The following TTC23 variants were observed in gnomAD, a reference collection of about 807,000 sequenced individuals.
TTC23 encodes tetratricopeptide repeat domain 23, also known as tetratricopeptide repeat protein 23.
A neutral mutation model predicts 55.1 loss-of-function variants in TTC23; 58 were observed. The ratio of observed to expected loss-of-function variants is 1.05; its 90% confidence interval spans 0.85 to 1.31. The LOEUF is 1.31. Ranked by LOEUF, TTC23 falls within the 50% of genes most tolerant of loss-of-function variation. The pLI is 0.00. For missense variants in TTC23, 516 were observed against 534.4 expected, an observed-to-expected ratio of 0.97 and a Z score of 0.34; for synonymous variants, 203 against 199.9, an observed-to-expected ratio of 1.02 and a Z score of -0.13.
At chr15:99,169,885 T>C (rs896447447) in intron 10 of TTC23, among the ~76,000 whole-genome samples, 3 of 152,206 alleles carry the variant, frequency 2.0e-5, no homozygotes, top group Non-Finnish European at 2.9e-5. Context: ...CTGCTGTCAC[T>C]GAACGCTGCA....
chr15:99,147,364 T>C (rs551480046), intron 12 of TTC23, among the ~76,000 whole-genome samples: 235 of 152,080 alleles, frequency 1.5e-3, no homozygotes, highest in African/African-American at 5.5e-3. Flanking sequence ...TAGCTGGGAC[T>C]ACAGGCGCCC....
intron 8 of TTC23, among the ~76,000 whole-genome samples, chr15:99,209,839 G>A (rs866573017): frequency 1.3e-5 from 2 of 152,240 alleles, no homozygotes; most frequent in Middle Eastern, 3.4e-3. Flanking sequence ...GTCTCAAGCA[G>A]TCCTCCTACC....
At chr15:99,222,771 G>A (rs545628046) in intron 5 of TTC23, among the ~76,000 whole-genome samples, 2 of 152,232 alleles carry the variant, frequency 1.3e-5, no homozygotes, top group South Asian at 4.2e-4. Flanking sequence ...GCGGAGATGG[G>A]TGAATCACAA....
At chr15:99,199,800 TG>T in intron 9 of TTC23, 118 bp downstream of exon 9, 1 of 1,019,260 alleles carries the variant, frequency 9.8e-7, no homozygotes, top group East Asian at 2.5e-5. Context: ...CTAGGCCAAC[TG>T]TTGTCCTTAT....
At chr15:99,235,837 C>T (rs1567557616) in intron 3 of TTC23, among the ~76,000 whole-genome samples, 1 of 152,220 alleles carries the variant, frequency 6.6e-6, no homozygotes, top group East Asian at 1.9e-4. Flanking sequence ...CCTCTGGCAA[C>T]ACCCATTCTA....
At position 99,229,142 on chromosome 15, in the gene TTC23, C is replaced by CATATAT. The variant is rs74654479; in HGVS notation, c.-20-416_-20-411dup. Among the ~76,000 whole-genome samples, 547 of 145,114 alleles carry CATATAT rather than the reference C, an allele frequency of 3.8e-3. 4 individuals carry two copies. The highest frequency in any genetic ancestry group is 0.011 in the African/African-American group (427 of 39,684). The stretch of plus-strand genomic sequence containing the variant: ...GCACATACATATGTATTTGCATGTA[C>CATATAT]ATATATATATATATATCTAAAGTCC... On this transcript the variant is annotated intron_variant, in intron 4 of 13. Coordinates refer to ENST00000394132, the MANE Select transcript of TTC23 (RefSeq NM_001288615.3).
chr15:99,151,085 T>C (rs1328167544), intron 12 of TTC23, among the ~76,000 whole-genome samples: 2 of 152,226 alleles, frequency 1.3e-5, no homozygotes, highest in African/African-American at 4.8e-5. Flanking sequence ...CTTGGGAGGT[T>C]ACCGTCTGTA....
At chr15:99,154,384 G>A (rs1365105356) in intron 12 of TTC23, among the ~76,000 whole-genome samples, 4 of 152,204 alleles carry the variant, frequency 2.6e-5, no homozygotes, top group African/African-American at 9.7e-5. Context: ...ATGCAACACC[G>A]TTGAGAGATG....
chr15:99,199,308 C>T (rs1306962876), intron 9 of TTC23, among the ~76,000 whole-genome samples: 1 of 150,130 alleles, frequency 6.7e-6, no homozygotes, highest in Admixed American at 6.7e-5. Flanking sequence ...TGGCTCATGC[C>T]TGTAATCCCA....
intron 1 of TTC23, among the ~76,000 whole-genome samples, chr15:99,248,567 T>C (rs1413999711): frequency 6.6e-6 from 1 of 152,238 alleles, no homozygotes; most frequent in Non-Finnish European, 1.5e-5. Context: ...TGAAGCCTTC[T>C]CTGAATAATT....
At chr15:99,170,673 G>A (rs1299547366) in intron 10 of TTC23, among the ~76,000 whole-genome samples, 1 of 152,252 alleles carries the variant, frequency 6.6e-6, no homozygotes, top group Non-Finnish European at 1.5e-5. Flanking sequence ...TCTCCCTGGT[G>A]GAGGCAGCAG....
intron 12 of TTC23, among the ~76,000 whole-genome samples, chr15:99,147,534 A>T (rs2069091844): frequency 6.6e-6 from 1 of 152,120 alleles, no homozygotes; most frequent in Non-Finnish European, 1.5e-5. Context: ...CTCCAAATTC[A>T]TTCTTAACCA....
chr15:99,203,520 AT>A (rs1008625718), intron 8 of TTC23, among the ~76,000 whole-genome samples: 2 of 151,992 alleles, frequency 1.3e-5, no homozygotes, highest in Non-Finnish European at 2.9e-5. Flanking sequence ...ACAAAAAAAT[AT>A]TGTTAACTAT....
At chr15:99,219,370 G>A (rs987806201) in intron 6 of TTC23, among the ~76,000 whole-genome samples, 1 of 152,066 alleles carries the variant, frequency 6.6e-6, no homozygotes, top group Non-Finnish European at 1.5e-5. Context: ...CTGAATACAA[G>A]AACTATAGCA....
chr15:99,182,629 CT>C (rs766861222), intron 9 of TTC23, among the ~76,000 whole-genome samples: 1 of 151,668 alleles, frequency 6.6e-6, no homozygotes, highest in African/African-American at 2.4e-5. Context: ...CTTCCTTTCT[CT>C]TTTTTTTCTC....
At chr15:99,226,019 G>T (rs1203782643) in intron 5 of TTC23, among the ~76,000 whole-genome samples, 1 of 152,080 alleles carries the variant, frequency 6.6e-6, no homozygotes, top group African/African-American at 2.4e-5. Context: ...AGCATAAGAC[G>T]AACTCAAACA....
intron 8 of TTC23, among the ~76,000 whole-genome samples, chr15:99,212,763 C>T (rs997783036): frequency 1.3e-5 from 2 of 151,762 alleles, no homozygotes; most frequent in African/African-American, 2.4e-5. Context: ...TTTGGGAGGC[C>T]GAGACAGGAG....
At chr15:99,249,794 T>C (rs907260140), upstream of TTC23, 6 of 152,192 alleles carry the variant, frequency 3.9e-5, no homozygotes. Flanking sequence ...AGAGGATTTT[T>C]TTCCCCTTTA....
chr15:99,140,486 C>T (rs2068101114), intron 12 of TTC23: 2 of 152,110 alleles, frequency 1.3e-5, no homozygotes, highest in Admixed American at 1.3e-4. Context: ...TTTCCTGCCT[C>T]AGCCTCCCGA....
Sources: allele counts gnomAD v4.1 joint callset (sites outside exome capture counted in the v4.1 genomes callset), GRCh38; gene constraint gnomAD v4.1.1; transcripts MANE v1.5; gene names NCBI Gene and HGNC (gene_info 2026-07-23, HGNC 2026-07-21).